Variants in TMTC1 observed in about 807,000 individuals in gnomAD.
TMTC1 encodes the protein transmembrane O-mannosyltransferase targeting cadherins 1.
Under a neutral mutation model 104.8 loss-of-function variants are expected in TMTC1, and 73 were observed. The ratio of observed to expected loss-of-function variants is 0.70; its 90% CI spans 0.58 to 0.85. The LOEUF (loss-of-function observed/expected upper bound fraction) is 0.85, where lower values mean the gene tolerates loss of function less well. TMTC1 is among the 40% of genes least tolerant of loss of function. TMTC1 has a pLI of 0.00. For synonymous variants in TMTC1, 434 were observed against 428.7 expected (o/e 1.01, Z -0.15); for missense variants, 1,035 against 1,096.1 (o/e 0.94, Z 0.79).
intron 1 of TMTC1, among the ~76,000 whole-genome samples, chr12:29,773,138 C>T (rs559219263): frequency 1.2e-4 from 19 of 152,272 alleles, no homozygotes; most frequent in East Asian, 9.7e-4. Context: ...GAACCCAAAT[C>T]GCCCCTTCTC....
intron 5 of TMTC1, among the ~76,000 whole-genome samples, chr12:29,635,257 A>T (rs987424176): frequency 1.3e-5 from 2 of 151,398 alleles, no homozygotes; most frequent in Non-Finnish European, 2.9e-5. Context: ...TGAGAATGCC[A>T]TCTCCACAGG....
At chr12:29,664,214 AT>A (rs1448849377) in intron 5 of TMTC1, among the ~76,000 whole-genome samples, 1 of 150,522 alleles carries the variant, frequency 6.6e-6, no homozygotes, top group Non-Finnish European at 1.5e-5. Context: ...AAATAAAAAA[AT>A]AAAAAAATAA....
At chr12:29,687,526 A>G (rs768053408) in intron 5 of TMTC1, among the ~76,000 whole-genome samples, 71 of 151,998 alleles carry the variant, frequency 4.7e-4, no homozygotes, top group Non-Finnish European at 7.9e-4. Flanking sequence ...GTCTTTTGCT[A>G]TAAAGGACAT....
chr12:29,589,276 C>A (rs1946219970), intron 7 of TMTC1, among the ~76,000 whole-genome samples: 1 of 152,208 alleles, frequency 6.6e-6, no homozygotes, highest in South Asian at 2.1e-4. Context: ...GAGAAAGGCA[C>A]AGACTGCAGA....
chr12:29,566,044 G>C (rs1434232827), intron 9 of TMTC1, among the ~76,000 whole-genome samples: 1 of 152,198 alleles, frequency 6.6e-6, no homozygotes, highest in East Asian at 1.9e-4. Context: ...GTAGAGCGGA[G>C]GGTGATAAAT....
chr12:29,513,237 T>C (rs1174316978), intron 16 of TMTC1, among the ~76,000 whole-genome samples: 3 of 152,148 alleles, frequency 2.0e-5, no homozygotes, highest in Non-Finnish European at 4.4e-5. Context: ...TCTTATAGGA[T>C]TCTTGTGAAG....
intron 7 of TMTC1, 69 bp from the exon 8 acceptor site, chr12:29,583,643 T>C: frequency 1.4e-6 from 2 of 1,401,040 alleles, no homozygotes; most frequent in Non-Finnish European, 1.9e-6. Flanking sequence ...AATTATCTCC[T>C]ACAAAACTAA....
intron 5 of TMTC1, among the ~76,000 whole-genome samples, chr12:29,719,508 T>C (rs536494609): frequency 6.6e-6 from 1 of 152,338 alleles, no homozygotes; most frequent in South Asian, 2.1e-4. Flanking sequence ...AGGGAACTCT[T>C]TCCCCTGCAT....
At chr12:29,629,860 A>G (rs899243906) in intron 6 of TMTC1, among the ~76,000 whole-genome samples, 2 of 152,208 alleles carry the variant, frequency 1.3e-5, no homozygotes, top group African/African-American at 4.8e-5. Context: ...TGTTTTAATC[A>G]TTCAAATTTT....
chr12:29,702,556 G>A (rs372384173), intron 5 of TMTC1, among the ~76,000 whole-genome samples: 3 of 152,144 alleles, frequency 2.0e-5, no homozygotes, highest in African/African-American at 4.8e-5. Flanking sequence ...CCCAGGACAG[G>A]GGTTGCAGCT....
intron 10 of TMTC1, among the ~76,000 whole-genome samples, chr12:29,537,447 A>G (rs1286110127): frequency 6.6e-6 from 1 of 152,212 alleles, no homozygotes; most frequent in African/African-American, 2.4e-5. Context: ...TGACTCATCC[A>G]TGTTTATATA....
rs150801298 is a variant in TMTC1, at chr12:29,652,370, A to G, written c.939-19034T>C. ...GGGTTCCATAACTGCATGCATTTCA[A>G]GCCTATCACTGCACTGTGTGGGTCA... On this transcript the variant is annotated intron_variant, in intron 5 of 17. Coordinates refer to ENST00000539277, the MANE Select transcript of TMTC1 (RefSeq NM_001193451.2). 5.8e-4 allele frequency among the ~76,000 whole-genome samples: 88 copies of G among 152,348 alleles called. 1 individual carries two copies. The highest frequency in any genetic ancestry group is 1.8e-3 in the African/African-American group (76 of 41,594).
chr12:29,586,497 C>G (rs886940752), intron 7 of TMTC1, among the ~76,000 whole-genome samples: 4 of 152,156 alleles, frequency 2.6e-5, no homozygotes, highest in African/African-American at 9.7e-5. Context: ...TGAGAGAGGA[C>G]ATCCCTGTCT....
At chr12:29,719,651 T>G (rs534389691) in intron 5 of TMTC1, among the ~76,000 whole-genome samples, 2 of 152,216 alleles carry the variant, frequency 1.3e-5, no homozygotes, top group African/African-American at 4.8e-5. Context: ...GGGTGGTCAC[T>G]GGGCTTTTTT....
At chr12:29,679,616 AG>A (rs1182449281) in intron 5 of TMTC1, among the ~76,000 whole-genome samples, 1 of 151,606 alleles carries the variant, frequency 6.6e-6, no homozygotes, top group Non-Finnish European at 1.5e-5. Context: ...TCGCAGATAA[AG>A]GAAAAATGTG....
intron 6 of TMTC1, among the ~76,000 whole-genome samples, chr12:29,608,976 G>T (rs1333657369): frequency 6.6e-6 from 1 of 152,106 alleles, no homozygotes; most frequent in African/African-American, 2.4e-5. Flanking sequence ...ACACATGTAT[G>T]CACCTGGCCA....
intron 5 of TMTC1, among the ~76,000 whole-genome samples, chr12:29,716,546 A>G (rs569537710): frequency 6.6e-6 from 1 of 152,264 alleles, no homozygotes; most frequent in South Asian, 2.1e-4. Context: ...TAATATTTAG[A>G]GCCTAAGGAT....
intron 5 of TMTC1, among the ~76,000 whole-genome samples, chr12:29,657,059 T>C (rs1007254391): frequency 4.6e-5 from 7 of 152,196 alleles, no homozygotes; most frequent in Non-Finnish European, 1.0e-4. Flanking sequence ...ATGTTCTTGT[T>C]CTCCCCCATC....
At chr12:29,554,407 T>C (rs1321933698) in intron 10 of TMTC1, among the ~76,000 whole-genome samples, 2 of 152,086 alleles carry the variant, frequency 1.3e-5, no homozygotes, top group Non-Finnish European at 2.9e-5. Context: ...TTAGTAGGGA[T>C]TTGGGCATGG....
Sources: allele counts gnomAD v4.1 joint callset (sites outside exome capture counted in the v4.1 genomes callset), GRCh38; gene constraint gnomAD v4.1.1; transcripts MANE v1.5; gene names NCBI Gene and HGNC (gene_info 2026-07-23, HGNC 2026-07-21).